The following COL6A3 variants were observed in gnomAD, a reference collection of about 807,000 sequenced individuals.
The protein encoded by COL6A3 is collagen alpha-3(VI) chain.
A neutral mutation model predicts 274.1 loss-of-function variants in COL6A3; 137 were observed. The ratio of observed to expected loss-of-function variants is 0.50; its 90% CI spans 0.44 to 0.58. COL6A3 has a LOEUF of 0.58. Ranked by LOEUF, COL6A3 falls within the 20% of genes least tolerant of loss-of-function variation. COL6A3 has a pLI of 0.00. For missense variants in COL6A3, 3,950 were observed against 4,124.9 expected, an observed-to-expected ratio of 0.96 and a Z score of 1.16; for synonymous variants, 1,650 against 1,650.6, an observed-to-expected ratio of 1.00 and a Z score of 0.01.
Position 237,376,889 on chromosome 2 carries a change from GCT to G in COL6A3, c.2951_2952del (p.Glu984AlafsTer43). 1 of 1,614,224 alleles carries G rather than the reference GCT, an allele frequency of 6.2e-7. No homozygotes were observed. The highest frequency in any genetic ancestry group is 8.5e-7 in the Non-Finnish European group (1 of 1,180,044). ...ATAAACGCTGGAGACAGCACGATCT[GCT>G]CTAACTCAGCAGGGTCTGCGTTCTT... is the stretch of plus-strand genomic sequence containing the variant. ...QAKNADPAEL[E>X]QIVLSPAFIL... On this transcript the variant is annotated frameshift_variant, in exon 7 of 44. Transcript: ENST00000295550. LOFTEE classifies it high-confidence loss of function.
chr2:237,333,897 C>A (rs540379880), intron 41 of COL6A3, among the ~76,000 whole-genome samples: 14 of 152,164 alleles, frequency 9.2e-5, no homozygotes, highest in Non-Finnish European at 1.6e-4. Flanking sequence ...GGTGGGAATT[C>A]CCTTTCCTCA....
Position 237,388,032 on chromosome 2 carries a change from C to G in COL6A3, c.862G>C (p.Asp288His), listed in dbSNP as rs115729513. 1.2e-6 allele frequency: 2 copies of G among 1,614,170 alleles called. No individual in the cohort carries two copies. Among genetic ancestry groups the G allele is most frequent in the Non-Finnish European group, 1.7e-6 (2 of 1,180,034 alleles). ...AAGGAGAACATGGTTCTGGGCTCAT[C>G]GCTAAACTGGACCACCCCCACTCGG... is the stretch of plus-strand genomic sequence containing the variant. ...QIRVGVVQFS[D>H]EPRTMFSLDT... The change falls in exon 4 of 44, where the codon GAT (aspartate) becomes CAT (histidine). Residue 288 changes from aspartate (D) to histidine (H), a missense_variant. Around this residue, in one of 5 missense-constraint regions of COL6A3, gnomAD observed 1,934 missense variants for 1,984.3 expected, o/e 0.97. Transcript: ENST00000295550.
chr2:237,379,487 T>C (rs2077946714), intron 5 of COL6A3, among the ~76,000 whole-genome samples: 1 of 152,284 alleles, frequency 6.6e-6, no homozygotes, highest in East Asian at 1.9e-4. Context: ...ACATCAAAGT[T>C]AGAATGTTTA....
In COL6A3 at chr2:237,371,790, C is replaced by T. The variant is rs142938239; in HGVS notation, c.4227G>A (p.Thr1409=). 6.2e-6 allele frequency: 10 copies of T among 1,613,904 alleles called. No individual in the cohort carries two copies. In the Admixed American group the frequency reaches 8.3e-5, roughly 13 times the overall value. Residue 1409 remains threonine, a synonymous_variant, in exon 9 of 44, where the codon ACG becomes ACA. Transcript: ENST00000295550. This position sits in a 1 kb window ranked among gnomAD's most constrained non-coding sequence, Gnocchi z 4.3. ...SLEQKLLTPI[T]TLTSEQIQKL... is the part of the protein sequence containing the mutation. ...TCTGGATCTGCTCTGAGGTCAGGGTCGTGATGGGCGTCAGCAGTTTCTGCT... is the reference window on the plus strand; with the variant it reads ...TCTGGATCTGCTCTGAGGTCAGGGTTGTGATGGGCGTCAGCAGTTTCTGCT...
chr2:237,359,906 C>T (rs2077397286), intron 17 of COL6A3, among the ~76,000 whole-genome samples, 182 bp downstream of exon 17: 1 of 152,156 alleles, frequency 6.6e-6, no homozygotes, highest in African/African-American at 2.4e-5. Context: ...GGCTCCCCAC[C>T]AGCTGCAGCC....
chr2:237,411,460 A>G (rs1225783909), intron 1 of COL6A3, among the ~76,000 whole-genome samples: 2 of 152,208 alleles, frequency 1.3e-5, no homozygotes, highest in African/African-American at 4.8e-5. Context: ...GCAAAAAGTC[A>G]CTGCCAGCTT....
intron 41 of COL6A3, among the ~76,000 whole-genome samples, chr2:237,334,228 A>G (rs933174846): frequency 6.6e-5 from 10 of 152,122 alleles, no homozygotes; most frequent in Admixed American, 5.9e-4. Context: ...ATTACTCCCT[A>G]AGGAGCCAGT....
In COL6A3 at chr2:237,374,944, C is replaced by T. The variant is rs757707163; in HGVS notation, c.3147G>A (p.Glu1049=). Residue 1049 remains glutamate (E), a synonymous_variant, in exon 8 of 44, where the codon GAG becomes GAA. Coordinates refer to ENST00000295550, the MANE Select transcript of COL6A3 (RefSeq NM_004369.4). This position sits in a 1 kb window ranked among gnomAD's most constrained non-coding sequence, Gnocchi z 4.8. ...GVRSGFPLLK[E]FVQRVVESLD... ...GGCTTTCCACCACTCTCTGGACAAA[C>T]TCTTTCAACAGAGGGAAGCCGCTCC... 7 of 1,613,998 alleles carry T rather than the reference C, an allele frequency of 4.3e-6. No individual in the cohort carries two copies. Among genetic ancestry groups the T allele is most frequent in the Non-Finnish European group, 5.1e-6 (6 of 1,180,032 alleles).
intron 3 of COL6A3, among the ~76,000 whole-genome samples, chr2:237,393,926 G>C (rs2078357883): frequency 6.6e-6 from 1 of 152,188 alleles, no homozygotes; most frequent in African/African-American, 2.4e-5. Context: ...AATTAGAAGA[G>C]TCTCTGTGGG....
Position 237,350,172 on chromosome 2 carries a change from C to G in COL6A3, c.6854G>C (p.Gly2285Ala). 6.2e-7 allele frequency: 1 copy of G among 1,614,148 alleles called. No homozygotes were observed. The highest frequency in any genetic ancestry group is 8.5e-7 in the Non-Finnish European group (1 of 1,180,016). Reference protein sequence around the residue: ...PGEPGPKGGIGNRGPRGETGD... With the variant: ...PGEPGPKGGIANRGPRGETGD... ...CGTCTCCCCACGAGGGCCCCGGTTCCCGATTCCTCCTTTTGGTCCTGGCTC... is the reference window on the plus strand; with the variant it reads ...CGTCTCCCCACGAGGGCCCCGGTTCGCGATTCCTCCTTTTGGTCCTGGCTC... Residue 2285 changes from glycine (G) to alanine (A), a missense_variant, in exon 28 of 44, where the codon GGG becomes GCG. Around this residue, in one of 5 missense-constraint regions of COL6A3, gnomAD observed 1,284 missense variants for 1,349.7 expected, o/e 0.95. Coordinates refer to ENST00000295550, the MANE Select transcript of COL6A3 (RefSeq NM_004369.4).
intron 24 of COL6A3, among the ~76,000 whole-genome samples, chr2:237,353,878 C>T (rs73998884): frequency 6.6e-6 from 1 of 152,136 alleles, no homozygotes; most frequent in Non-Finnish European, 1.5e-5. Context: ...GGAGCCAGAA[C>T]AGCCCAAGGA....
At chr2:237,404,967 G>A (rs2078684189) in intron 1 of COL6A3, among the ~76,000 whole-genome samples, 1 of 152,146 alleles carries the variant, frequency 6.6e-6, no homozygotes. Flanking sequence ...CCCCTCAGTG[G>A]AGATACTTCC....
In COL6A3 at chr2:237,345,834, C is replaced by T. The variant is rs370275919; in HGVS notation, c.7093-621G>A. ...CACCTACTTAAAGACAGCAATCAGA[C>T]CCACCTGACCAGCTTTCTTTTCCCT... On this transcript the variant is annotated intron_variant, in intron 32 of 43. Coordinates refer to ENST00000295550, the MANE Select transcript of COL6A3 (RefSeq NM_004369.4). Among the ~76,000 whole-genome samples the T allele has an allele frequency of 1.4e-3, 213 of 152,324 alleles. 2 individuals carry two copies. The highest frequency in any genetic ancestry group is 4.9e-3 in the African/African-American group (203 of 41,576).
chr2:237,343,703 G>GCCGCA, intron 36 of COL6A3: 1 of 147,700 alleles, frequency 6.8e-6, no homozygotes, highest in Non-Finnish European at 1.5e-5. Flanking sequence ...GTGCTGAGTC[G>GCCGCA]GCATAGTTTT....
chr2:237,403,895 T>C (rs2078657849), intron 1 of COL6A3, among the ~76,000 whole-genome samples: 1 of 151,900 alleles, frequency 6.6e-6, no homozygotes, highest in Non-Finnish European at 1.5e-5. Flanking sequence ...CTGGGAACCT[T>C]CCAGACTTTT....
rs2106369723 is a variant in COL6A3 at position 237,381,008 on chromosome 2, C to A, written c.1804G>T (p.Val602Leu). 5 of 1,614,192 alleles carry A rather than the reference C, an allele frequency of 3.1e-6. No individual in the cohort carries two copies. The highest frequency in any genetic ancestry group is 1.7e-5 in the Admixed American group (1 of 60,022). The change falls in exon 5 of 44, where the codon GTG (valine) becomes TTG (leucine). Residue 602 changes from valine to leucine, a missense_variant. Around this residue, in one of 5 missense-constraint regions of COL6A3, gnomAD observed 1,934 missense variants for 1,984.3 expected, o/e 0.97. Transcript: ENST00000295550. ...GCTCGGAACTCAGCTGGGATGAACA[C>A]CAGGGAGGAGTCGAAAGCGATCTCT... ...LEEIAFDSSL[V>L]FIPAEFRAAP...
chr2:237,334,637 C>T lies in COL6A3; in HGVS notation c.9218G>A (p.Ser3073Asn). Residue 3073 changes from serine to asparagine, a missense_variant, in exon 41 of 44, where the codon AGT becomes AAT. Around this residue, in one of 5 missense-constraint regions of COL6A3, gnomAD observed 1,284 missense variants for 1,349.7 expected, o/e 0.95. Transcript: ENST00000295550. ...GATCATGTACTTACTTGTACTGAAA[C>T]TTCCGTGGTAGGTGGCTCTGACCTG... ...RSQVRATYHG[S>N]FSTKKSQPPP... 2 of 1,613,426 alleles carry T rather than the reference C, an allele frequency of 1.2e-6. No individual in the cohort carries two copies. The highest frequency in any genetic ancestry group is 1.8e-4 in the Middle Eastern group (1 of 5,480).
chr2:237,397,464 AGAGG>A (rs576912214), intron 1 of COL6A3, among the ~76,000 whole-genome samples: 129 of 122,944 alleles, frequency 1.0e-3, no homozygotes, highest in African/African-American at 2.1e-3. Context: ...AGAAAGAGAG[AGAGG>A]GAGGGAGGGA....
intron 39 of COL6A3, 147 bp downstream of exon 39, chr2:237,338,868 A>C: frequency 1.5e-6 from 1 of 654,686 alleles, no homozygotes; most frequent in Non-Finnish European, 2.7e-6. Flanking sequence ...AAAACAGATT[A>C]TTTGAGAAGC....
Sources: gnomAD v4.1 joint callset for allele counts (sites outside exome capture counted in the v4.1 genomes callset) on GRCh38, gnomAD v4.1.1 for gene constraint, gnomAD v4.1.1 regional missense constraint, Gnocchi (gnomAD v3.1) non-coding constraint, MANE v1.5 for transcripts, NCBI Gene and HGNC (gene_info 2026-07-23, HGNC 2026-07-21) for gene names.